Variants in SLC35F1 observed in about 807,000 individuals in gnomAD.
SLC35F1 encodes chromosome 6 open reading frame 169.
In SLC35F1, 14 loss-of-function variants were observed where a neutral mutation model predicts 48.7. The ratio of observed to expected loss-of-function variants is 0.29; its 90% confidence interval spans 0.19 to 0.45. The LOEUF (loss-of-function observed/expected upper bound fraction) is 0.45. Ranked by LOEUF, SLC35F1 falls within the 20% of genes least tolerant of loss-of-function variation. SLC35F1 has a pLI of 1.00. For synonymous variants in SLC35F1, 190 were observed against 202.2 expected (o/e 0.94, Z 0.51); for missense variants, 404 against 500.0 (o/e 0.81, Z 1.83).
At chr6:118,166,805 C>T (rs73766444) in intron 2 of SLC35F1, among the ~76,000 whole-genome samples, 5,514 of 152,222 alleles carry the variant, frequency 0.036, 360 homozygotes, top group African/African-American at 0.13. Context: ...CATTGGTGAA[C>T]GTGTTCCTAT....
chr6:118,249,500 G>A (rs1275475204), intron 3 of SLC35F1, among the ~76,000 whole-genome samples: 1 of 152,152 alleles, frequency 6.6e-6, no homozygotes, highest in African/African-American at 2.4e-5. Context: ...AAATTCACCT[G>A]TAATAAATGG....
At chr6:118,084,287 C>T (rs150467547) in intron 1 of SLC35F1, among the ~76,000 whole-genome samples, 17 of 152,130 alleles carry the variant, frequency 1.1e-4, no homozygotes, top group Non-Finnish European at 1.5e-4. Context: ...GGAGATAAAA[C>T]GATACAAATT....
intron 1 of SLC35F1, among the ~76,000 whole-genome samples, chr6:118,053,547 T>C (rs1424701304): frequency 6.6e-6 from 1 of 152,218 alleles, no homozygotes; most frequent in Non-Finnish European, 1.5e-5. Context: ...TCATATAGTC[T>C]GTCTCTCTCC....
chr6:118,125,913 G>A (rs7743889), intron 1 of SLC35F1, among the ~76,000 whole-genome samples: 51,858 of 152,144 alleles, frequency 0.34, 9,664 homozygotes, highest in Non-Finnish European at 0.43. Context: ...GCTATTGCCC[G>A]TGGATAATCG....
chr6:118,270,477 A>G (rs1775836444), intron 4 of SLC35F1, among the ~76,000 whole-genome samples: 1 of 152,220 alleles, frequency 6.6e-6, no homozygotes. Flanking sequence ...CTTAGAGACT[A>G]TAGAGTGGTA....
At chr6:118,206,688 TG>T (rs1212684627) in intron 2 of SLC35F1, among the ~76,000 whole-genome samples, 2 of 152,220 alleles carry the variant, frequency 1.3e-5, no homozygotes, top group Non-Finnish European at 2.9e-5. Flanking sequence ...ACCATGTAGT[TG>T]GGCCACTTGA....
intron 1 of SLC35F1, among the ~76,000 whole-genome samples, chr6:118,121,153 G>A (rs1296355724): frequency 6.6e-6 from 1 of 152,116 alleles, no homozygotes; most frequent in East Asian, 1.9e-4. Flanking sequence ...TCTGTTTCTT[G>A]TATTGATCCC....
intron 7 of SLC35F1, among the ~76,000 whole-genome samples, chr6:118,287,790 A>G (rs2114644421): frequency 6.6e-6 from 1 of 152,152 alleles, no homozygotes; most frequent in East Asian, 1.9e-4. Flanking sequence ...ACATCAGGAA[A>G]TGAGAGGGCT....
At chr6:118,059,131 C>T (rs781362222) in intron 1 of SLC35F1, among the ~76,000 whole-genome samples, 15 of 152,268 alleles carry the variant, frequency 9.9e-5, no homozygotes, top group East Asian at 1.9e-4. Flanking sequence ...TTCACTGCAA[C>T]AGAACAGATA....
chr6:117,997,053 A>T (rs1777004175), intron 1 of SLC35F1, among the ~76,000 whole-genome samples: 1 of 152,162 alleles, frequency 6.6e-6, no homozygotes, highest in Non-Finnish European at 1.5e-5. Flanking sequence ...GTATAACTAG[A>T]ATAACCAATA....
At chr6:118,300,324 A>G (rs1776241718) in intron 7 of SLC35F1, among the ~76,000 whole-genome samples, 1 of 152,236 alleles carries the variant, frequency 6.6e-6, no homozygotes, top group Non-Finnish European at 1.5e-5. Context: ...ACCATGTTAT[A>G]TGAGGGACTT....
chr6:118,030,495 G>A (rs1267041119), intron 1 of SLC35F1, among the ~76,000 whole-genome samples: 2 of 152,146 alleles, frequency 1.3e-5, no homozygotes, highest in Non-Finnish European at 1.5e-5. Flanking sequence ...TGTGGCTTTG[G>A]AGAAACAAGA....
intron 1 of SLC35F1, among the ~76,000 whole-genome samples, chr6:117,983,221 T>C (rs1776804728): frequency 6.6e-6 from 1 of 152,178 alleles, no homozygotes. Flanking sequence ...TGGTGATAGA[T>C]GAGTCTGAGG....
chr6:118,312,776 T>G (rs1414429662), intron 7 of SLC35F1, among the ~76,000 whole-genome samples: 1 of 152,182 alleles, frequency 6.6e-6, no homozygotes, highest in African/African-American at 2.4e-5. Context: ...AGAGCCATCT[T>G]TTAGCTTTGT....
chr6:117,991,917 A>G (rs1424851572), intron 1 of SLC35F1, among the ~76,000 whole-genome samples: 1 of 152,172 alleles, frequency 6.6e-6, no homozygotes, highest in Admixed American at 6.6e-5. Context: ...CATGATACCA[A>G]AATTTTTATA....
intron 2 of SLC35F1, among the ~76,000 whole-genome samples, chr6:118,178,152 G>A (rs571089015): frequency 1.4e-4 from 22 of 152,102 alleles, no homozygotes; most frequent in Admixed American, 2.0e-4. Flanking sequence ...TCCTGGGATC[G>A]CTGCACTAGA....
At position 117,939,522 on chromosome 6, in the gene SLC35F1, C is replaced by T. The variant is rs529773563; in HGVS notation, c.173+31623C>T. 1.5e-4 allele frequency among the ~76,000 whole-genome samples: 23 copies of T among 152,318 alleles called. No homozygotes were observed. The South Asian group carries it at 3.3e-3, about 22-fold the overall frequency. ...TTCTGGATCTTGATCTTCTGTAACC[C>T]TCAATACATCTTTGAAATTTTCTGA... On this transcript the variant is annotated intron_variant, in intron 1 of 7. Transcript: ENST00000360388.
intron 1 of SLC35F1, among the ~76,000 whole-genome samples, chr6:117,930,547 A>C (rs182156654): frequency 6.6e-6 from 1 of 152,230 alleles, no homozygotes; most frequent in Admixed American, 6.5e-5. Flanking sequence ...CTCTTTTCTA[A>C]GCCTTAATGC....
At position 117,977,438 on chromosome 6, in the gene SLC35F1, A is replaced by T. The variant is rs185586708; in HGVS notation, c.173+69539A>T. On this transcript the variant is annotated intron_variant, in intron 1 of 7. Coordinates refer to ENST00000360388, the MANE Select transcript of SLC35F1 (RefSeq NM_001029858.4). ...TAATTAGTGCTAAATATTTTAATTT[A>T]AAAAATAGCTAATTTGATACATGAA... is the stretch of plus-strand genomic sequence containing the variant. Among the ~76,000 whole-genome samples, 186 of 152,288 alleles carry T rather than the reference A, an allele frequency of 1.2e-3. 1 individual carries two copies. Among genetic ancestry groups the T allele is most frequent in the African/African-American group, 3.8e-3 (158 of 41,576 alleles).
Sources: gnomAD v4.1 joint callset for allele counts (sites outside exome capture counted in the v4.1 genomes callset) on GRCh38, gnomAD v4.1.1 for gene constraint, MANE v1.5 for transcripts, NCBI Gene and HGNC (gene_info 2026-07-23, HGNC 2026-07-21) for gene names.